CGGBP1: variants seen among roughly 807,000 people sequenced by gnomAD.
CGGBP1 encodes CGG triplet repeat-binding protein 1.
Under a neutral mutation model 11.4 loss-of-function variants are expected in CGGBP1, and 4 were observed. The ratio of observed to expected loss-of-function variants is 0.35; its 90% CI spans 0.17 to 0.80. The LOEUF (loss-of-function observed/expected upper bound fraction) is 0.80, where lower values mean the gene tolerates loss of function less well. Ranked by LOEUF, CGGBP1 falls within the 30% of genes least tolerant of loss-of-function variation. The pLI, the probability that CGGBP1 is intolerant of heterozygous loss-of-function variation, is 0.52. For synonymous variants in CGGBP1, 76 were observed against 74.1 expected (o/e 1.03, Z -0.13); for missense variants, 135 against 202.1 (o/e 0.67, Z 2.01).
upstream of CGGBP1, among the ~76,000 whole-genome samples, chr3:88,061,800 T>C (rs192342494): frequency 5.3e-3 from 811 of 152,310 alleles, 5 homozygotes; most frequent in African/African-American, 0.017. Context: ...AGTATAATAA[T>C]TTGTTTTTAT....
intron 2 of CGGBP1, among the ~76,000 whole-genome samples, chr3:88,101,397 C>A (rs1366675752): frequency 6.6e-6 from 1 of 152,086 alleles, no homozygotes; most frequent in African/African-American, 2.4e-5. Flanking sequence ...TGGATACTTT[C>A]ACTTAGAGCA....
intron 1 of CGGBP1, among the ~76,000 whole-genome samples, chr3:88,147,963 C>T (rs190898588): frequency 2.6e-5 from 4 of 152,288 alleles, no homozygotes; most frequent in Admixed American, 2.6e-4. Flanking sequence ...TTAAGAAACC[C>T]TGCGTTAGAT....
rs1166935980 is a variant in CGGBP1 at position 88,070,796 on chromosome 3, G to A, written c.-228-12573C>T. 9.2e-5 allele frequency among the ~76,000 whole-genome samples: 14 copies of A among 151,950 alleles called. No homozygotes were observed. The South Asian group carries it at 1.9e-3, about 20-fold the overall frequency. ...CTGTGAAATAAGTACTGTTTTTATC[G>A]TCATTTTATGAATGATGCAGCTGAG... On this transcript the variant is annotated intron_variant, in intron 2 of 3. Coordinates refer to the CGGBP1 transcript ENST00000462901.
At chr3:88,138,356 G>C (rs1706925715) in intron 2 of CGGBP1, among the ~76,000 whole-genome samples, 4 of 151,970 alleles carry the variant, frequency 2.6e-5, no homozygotes, top group Admixed American at 2.6e-4. Context: ...AAGAATATGA[G>C]ATTTGTACCT....
intron 2 of CGGBP1, chr3:88,129,946 A>G: frequency 1.1e-6 from 1 of 907,688 alleles, no homozygotes; most frequent in South Asian, 3.4e-5. Context: ...AAAAAAATTG[A>G]TTGTGCAAGG....
chr3:88,137,760 A>T (rs1410502860), intron 2 of CGGBP1, among the ~76,000 whole-genome samples: 1 of 152,146 alleles, frequency 6.6e-6, no homozygotes, highest in Non-Finnish European at 1.5e-5. Flanking sequence ...GGATGTGCCA[A>T]GTTAAAGTCT....
chr3:88,109,267 A>G (rs1178271351), intron 2 of CGGBP1, among the ~76,000 whole-genome samples: 1 of 151,920 alleles, frequency 6.6e-6, no homozygotes, highest in African/African-American at 2.4e-5. Flanking sequence ...AGAATAGTTG[A>G]GTATGTCAAC....
chr3:88,140,256 G>A (rs1203615424), intron 2 of CGGBP1: 3 of 1,613,430 alleles, frequency 1.9e-6, no homozygotes, highest in Non-Finnish European at 2.5e-6. Context: ...TCTGCTGTAT[G>A]AACATGAAGC....
At chr3:88,134,038 C>T (rs921096715) in intron 2 of CGGBP1, among the ~76,000 whole-genome samples, 2 of 150,080 alleles carry the variant, frequency 1.3e-5, no homozygotes, top group African/African-American at 4.9e-5. Flanking sequence ...AACTGGAAAG[C>T]AGTAAAAGCT....
chr3:88,128,543 T>A lies in CGGBP1; in HGVS notation c.-229+12427A>T, dbSNP rs199862423. ...TAATGAACTGAAAGAAGAAAAAAAA[T>A]TTTTTTTTAAATTTTGTTTCTGTTA... On this transcript the variant is annotated intron_variant, in intron 2 of 3. Coordinates refer to the CGGBP1 transcript ENST00000462901. 7.0e-4 allele frequency among the ~76,000 whole-genome samples: 105 copies of A among 149,472 alleles called. 1 individual carries two copies. In the East Asian group the frequency reaches 7.7e-3, roughly 11 times the overall value.
intron 1 of CGGBP1, among the ~76,000 whole-genome samples, chr3:88,147,859 G>T (rs922046597): frequency 1.3e-5 from 2 of 152,198 alleles, no homozygotes; most frequent in African/African-American, 4.8e-5. Flanking sequence ...GCACCCAGTG[G>T]GTAGAGGATG....
chr3:88,121,609 TA>T (rs1705772048), intron 2 of CGGBP1, among the ~76,000 whole-genome samples: 1 of 152,168 alleles, frequency 6.6e-6, no homozygotes, highest in South Asian at 2.1e-4. Flanking sequence ...TGCCTTTTTG[TA>T]AAGGAAAAAT....
At chr3:88,071,001 C>A (rs760633758) in intron 2 of CGGBP1, among the ~76,000 whole-genome samples, 1 of 151,962 alleles carries the variant, frequency 6.6e-6, no homozygotes, top group Non-Finnish European at 1.5e-5. Context: ...AGATATAAAA[C>A]GTAGGTAGAG....
chr3:88,060,943 G>A (rs1417236494), upstream of CGGBP1, among the ~76,000 whole-genome samples: 1 of 152,126 alleles, frequency 6.6e-6, no homozygotes, highest in African/African-American at 2.4e-5. Context: ...GTGTCATAAA[G>A]AAGTTGGTTT....
At chr3:88,090,612 T>C (rs1485179223) in intron 2 of CGGBP1, among the ~76,000 whole-genome samples, 3 of 151,970 alleles carry the variant, frequency 2.0e-5, no homozygotes, top group Non-Finnish European at 4.4e-5. Flanking sequence ...ATACAGTGTT[T>C]ATATTTCTAC....
At chr3:88,069,225 C>T (rs551033833) in intron 2 of CGGBP1, among the ~76,000 whole-genome samples, 1 of 152,256 alleles carries the variant, frequency 6.6e-6, no homozygotes, top group South Asian at 2.1e-4. Context: ...AGCTCAAGAC[C>T]AGCCTGGCCA....
intron 2 of CGGBP1, among the ~76,000 whole-genome samples, chr3:88,089,350 G>A (rs558649422): frequency 7.8e-4 from 118 of 151,908 alleles, no homozygotes; most frequent in African/African-American, 2.8e-3. Flanking sequence ...AATTAGCCAG[G>A]CGTGGTGGCA....
intron 3 of CGGBP1, 187 bp downstream of exon 3, chr3:88,057,004 G>GT: frequency 6.6e-6 from 1 of 152,224 alleles, no homozygotes; most frequent in East Asian, 1.9e-4. Context: ...AGTCTTAATT[G>GT]TTCCCTGGGG....
At chr3:88,117,408 T>A (rs1226810523) in intron 2 of CGGBP1, among the ~76,000 whole-genome samples, 1 of 152,086 alleles carries the variant, frequency 6.6e-6, no homozygotes, top group African/African-American at 2.4e-5. Context: ...CTGGATTTTT[T>A]TAAGAGGAAA....
Sources: gnomAD v4.1 joint callset for allele counts (sites outside exome capture counted in the v4.1 genomes callset) on GRCh38, gnomAD v4.1.1 for gene constraint, MANE v1.5 for transcripts, NCBI Gene and HGNC (gene_info 2026-07-23, HGNC 2026-07-21) for gene names.